HEMGN: variants seen among roughly 807,000 people sequenced by gnomAD.
HEMGN encodes erythroid differentiation-associated gene protein.
A neutral mutation model predicts 45.7 loss-of-function variants in HEMGN; 32 were observed. That is an observed-to-expected ratio of 0.70 (90% CI 0.53 to 0.94). HEMGN has a LOEUF of 0.94. Among genes scored for constraint, HEMGN ranks in the 40% least tolerant of loss-of-function variants. The pLI, the probability that HEMGN is intolerant of heterozygous loss-of-function variation, is 0.00. For missense variants in HEMGN, 530 were observed against 564.2 expected, an observed-to-expected ratio of 0.94 and a Z score of 0.61; for synonymous variants, 183 against 178.6, an observed-to-expected ratio of 1.02 and a Z score of -0.20.
At chr9:97,931,617 G>C (rs576052392) in intron 2 of HEMGN, among the ~76,000 whole-genome samples, 18 of 152,308 alleles carry the variant, frequency 1.2e-4, no homozygotes, top group Middle Eastern at 3.4e-3. Context: ...TAGTCTTTGT[G>C]TGTTACTTCC....
intron 1 of HEMGN, among the ~76,000 whole-genome samples, chr9:97,937,506 C>T (rs1292586132): frequency 6.6e-6 from 1 of 152,034 alleles, no homozygotes; most frequent in East Asian, 1.9e-4. Flanking sequence ...AGACCCACCA[C>T]TGGATATTGT....
intron 1 of HEMGN, among the ~76,000 whole-genome samples, chr9:97,937,144 T>C (rs1357861261): frequency 6.6e-5 from 10 of 152,234 alleles, no homozygotes; most frequent in Admixed American, 6.5e-4. Flanking sequence ...CAACCTCTAA[T>C]TAAAATTGAC....
upstream of HEMGN, among the ~76,000 whole-genome samples, chr9:97,942,838 A>G (rs1185653239): frequency 1.3e-5 from 2 of 152,178 alleles, no homozygotes; most frequent in Non-Finnish European, 2.9e-5. Flanking sequence ...TTAGTCAAAA[A>G]CAAGACGGGG....
chr9:97,930,469 T>G lies in HEMGN; in HGVS notation c.926A>C (p.Asp309Ala). ...PKIQEIAEPK[D>A]LSTKTHQESA... ...TTCTTGGTGTGTTTTTGTAGAAAGG[T>G]CTTTAGGCTCAGCTATTTCTTGTAT... is the stretch of plus-strand genomic sequence containing the variant. The change falls in exon 3 of 4, where the codon GAC becomes GCC. Residue 309 changes from aspartate to alanine, a missense_variant. Coordinates refer to ENST00000616898, the MANE Select transcript of HEMGN (RefSeq NM_197978.3). 6.2e-7 allele frequency: 1 copy of G among 1,614,136 alleles called. No homozygotes were observed. Among genetic ancestry groups the G allele is most frequent in the Non-Finnish European group, 8.5e-7 (1 of 1,179,982 alleles).
upstream of HEMGN, chr9:97,938,325 T>C: frequency 1.7e-6 from 1 of 592,784 alleles, no homozygotes. Context: ...ACTATCTTTA[T>C]CACACTGCAC....
chr9:97,938,029 C>G, intron 1 of HEMGN, 29 bp downstream of exon 1: 1 of 1,404,756 alleles, frequency 7.1e-7, no homozygotes, highest in South Asian at 1.2e-5. Flanking sequence ...TTCTCAACAG[C>G]CACCAGCTCT....
rs1395898084 is a variant in HEMGN at position 97,930,418 on chromosome 9, T to C, written c.977A>G (p.His326Arg). 9 of 1,614,158 alleles carry C rather than the reference T, an allele frequency of 5.6e-6. No individual in the cohort carries two copies. The highest frequency in any genetic ancestry group is 3.3e-4 in the Middle Eastern group (2 of 6,062). The change falls in exon 3 of 4, where the codon CAT (histidine) becomes CGT (arginine). Residue 326 changes from histidine to arginine, a missense_variant. Physicochemically the swap from His to Arg is conservative, Grantham distance 29. Coordinates refer to ENST00000616898, the MANE Select transcript of HEMGN (RefSeq NM_197978.3). The stretch of plus-strand genomic sequence containing the variant: ...CACAATAATTTCGTTACATGTTTTA[T>C]GAGGAAGGTATTTAGGTTCAGCTGA... ...QESAEPKYLPHKTCNEIIVPK... is the reference protein window; with the variant it reads ...QESAEPKYLPRKTCNEIIVPK...
chr9:97,932,280 G>T (rs1826968420), intron 2 of HEMGN, among the ~76,000 whole-genome samples: 2 of 152,010 alleles, frequency 1.3e-5, no homozygotes, highest in Non-Finnish European at 2.9e-5. Context: ...TCTTTATAGT[G>T]CCCATCGTTC....
At chr9:97,929,686 A>G (rs1685947366) in intron 3 of HEMGN, among the ~76,000 whole-genome samples, 1 of 152,244 alleles carries the variant, frequency 6.6e-6, no homozygotes, top group South Asian at 2.1e-4. Context: ...TAAATTTCCT[A>G]GAAAAACTTC....
At position 97,930,523 on chromosome 9, in the gene HEMGN, A is replaced by G; in HGVS notation, c.872T>C (p.Ile291Thr). 9.3e-6 allele frequency: 15 copies of G among 1,614,090 alleles called. No individual in the cohort carries two copies. Among genetic ancestry groups the G allele is most frequent in the Non-Finnish European group, 1.3e-5 (15 of 1,179,984 alleles). ...AGGAAAAAGGCCTTCTGTCTCAGCTATTCCTTGATCTGTTTCATTGTATTC... is the reference window on the plus strand; with the variant it reads ...AGGAAAAAGGCCTTCTGTCTCAGCTGTTCCTTGATCTGTTTCATTGTATTC... ...PEEYNETDQG[I>T]AETEGLFPKI... is the part of the protein sequence containing the mutation. Residue 291 changes from isoleucine (I) to threonine (T), a missense_variant, in exon 3 of 4, where the codon ATA becomes ACA. Ile to Thr is a moderately conservative substitution (Grantham distance 89, BLOSUM62 -1). Transcript: ENST00000616898.
At chr9:97,936,536 A>G (rs1827064254) in intron 1 of HEMGN, among the ~76,000 whole-genome samples, 1 of 152,224 alleles carries the variant, frequency 6.6e-6, no homozygotes, top group Non-Finnish European at 1.5e-5. Flanking sequence ...AAGTAATTTT[A>G]TATATTGTAC....
chr9:97,935,558 T>A (rs1350547253), intron 2 of HEMGN, among the ~76,000 whole-genome samples: 1 of 152,198 alleles, frequency 6.6e-6, no homozygotes, highest in Admixed American at 6.5e-5. Context: ...GCTGCACTTT[T>A]GGCTCTTTGG....
chr9:97,927,168 TACACACACAC>T lies in HEMGN; in HGVS notation c.*206_*215del, dbSNP rs34825770. On this transcript the variant is annotated 3_prime_UTR_variant, in exon 4 of 4. Coordinates refer to ENST00000616898, the MANE Select transcript of HEMGN (RefSeq NM_197978.3). ...ATCCTCTCCCCGACCTATACATACA[TACACACACAC>T]ACACACACACACACACACACATTCT... 4,059 of 313,412 alleles carry T rather than the reference TACACACACAC, an allele frequency of 0.013. 1 individual carries two copies. The highest frequency in any genetic ancestry group is 0.025 in the Middle Eastern group (27 of 1,076). The allele number at this position is 313,412 out of a possible 1,614,324, so 19.4% of individuals were successfully genotyped here.
intron 2 of HEMGN, among the ~76,000 whole-genome samples, chr9:97,932,071 G>A (rs1826963609): frequency 6.6e-6 from 1 of 152,008 alleles, no homozygotes; most frequent in South Asian, 2.1e-4. Flanking sequence ...CATGCTACCC[G>A]CTCCATGGAG....
chr9:97,937,411 A>G (rs1249284020), intron 1 of HEMGN, among the ~76,000 whole-genome samples: 1 of 152,022 alleles, frequency 6.6e-6, no homozygotes, highest in Non-Finnish European at 1.5e-5. Flanking sequence ...AAGAAATCAC[A>G]TATTTTTTTA....
chr9:97,930,168 A>G lies in HEMGN; in HGVS notation c.1227T>C (p.Ser409=). 6.2e-7 allele frequency: 1 copy of G among 1,614,194 alleles called. No homozygotes were observed. Among genetic ancestry groups the G allele is most frequent in the South Asian group, 1.1e-5 (1 of 91,080 alleles). The change falls in exon 3 of 4, where the codon TCT becomes TCC. Residue 409 remains serine, a synonymous_variant. Coordinates refer to ENST00000616898, the MANE Select transcript of HEMGN (RefSeq NM_197978.3). ...YQETPGPEDL[S]TETYKNKDVP... ...CATCCTTATTTTTATATGTCTCAGT[A>G]GAGAGGTCTTCAGGCCCCGGTGTTT...
intron 2 of HEMGN, among the ~76,000 whole-genome samples, chr9:97,933,989 G>A (rs1430508507): frequency 2.0e-5 from 3 of 152,160 alleles, no homozygotes; most frequent in Admixed American, 2.0e-4. Flanking sequence ...GATTTAAGGA[G>A]ACTGACATAT....
chr9:97,927,833 T>A (rs1826858219), intron 3 of HEMGN, among the ~76,000 whole-genome samples: 1 of 152,054 alleles, frequency 6.6e-6, no homozygotes, highest in Non-Finnish European at 1.5e-5. Context: ...AGAGGTTTTT[T>A]AATCGGAAAA....
At chr9:97,941,728 GCTAA>G (rs2131559548), upstream of HEMGN, among the ~76,000 whole-genome samples, 1 of 152,296 alleles carries the variant, frequency 6.6e-6, no homozygotes, top group Admixed American at 6.5e-5. Context: ...TTTTGGATGT[GCTAA>G]CAGGTTAGGG....
Sources: allele counts gnomAD v4.1 joint callset (sites outside exome capture counted in the v4.1 genomes callset), GRCh38; gene constraint gnomAD v4.1.1; transcripts MANE v1.5; gene names NCBI Gene and HGNC (gene_info 2026-07-23, HGNC 2026-07-21).